ZNF81: variants seen among roughly 807,000 people sequenced by gnomAD.
The protein encoded by ZNF81 is zinc finger protein 81 (HFZ20).
ZNF81 carries 5 observed loss-of-function variants against 32.3 expected under a neutral mutation model. The observed-to-expected ratio is 0.15, with a 90% CI of 0.08 to 0.33. The LOEUF (loss-of-function observed/expected upper bound fraction) is 0.33, where lower values mean the gene tolerates loss of function less well. Ranked by LOEUF, ZNF81 falls within the 10% of genes least tolerant of loss-of-function variation. ZNF81 has a pLI of 1.00. For synonymous variants in ZNF81, 163 were observed against 166.8 expected (o/e 0.98, Z 0.17); for missense variants, 379 against 479.8 (o/e 0.79, Z 1.96).
intron 2 of ZNF81, among the ~76,000 whole-genome samples, chrX:47,863,889 A>C (rs1556882902): frequency 1.8e-5 from 2 of 112,051 alleles, no homozygotes; most frequent in Non-Finnish European, 3.8e-5. Flanking sequence ...AGTGGGTAAA[A>C]TGATCCTTAT....
chrX:47,884,608 A>G (rs1174000832), intron 2 of ZNF81, among the ~76,000 whole-genome samples: 2 of 112,077 alleles, frequency 1.8e-5, no homozygotes, highest in Admixed American at 1.9e-4. Context: ...CATCAAATAG[A>G]TAAGTAACAC....
intron 4 of ZNF81, among the ~76,000 whole-genome samples, chrX:47,909,971 G>A (rs2058734076): frequency 9.0e-6 from 1 of 111,155 alleles, no homozygotes. Context: ...GTATTCCATG[G>A]TGTATATGTG....
At chrX:47,853,339 G>A (rs1345595327) in intron 2 of ZNF81, among the ~76,000 whole-genome samples, 3 of 109,713 alleles carry the variant, frequency 2.7e-5, no homozygotes, top group African/African-American at 1.0e-4. Context: ...ACGCCACCAC[G>A]CCCAGCTAAT....
At chrX:47,893,026 G>T (rs868975917) in intron 3 of ZNF81, among the ~76,000 whole-genome samples, 26 of 112,461 alleles carry the variant, frequency 2.3e-4, no homozygotes, top group Middle Eastern at 9.3e-3. Context: ...GGAGACTCAA[G>T]AATTTAAAGG....
Position 47,916,662 on chromosome X carries a change from C to T in ZNF81, c.*30C>T. 8.5e-7 allele frequency: 1 copy of T among 1,176,995 alleles called. No homozygotes were observed. The highest frequency in any genetic ancestry group is 1.1e-6 in the Non-Finnish European group (1 of 879,817). On this transcript the variant is annotated 3_prime_UTR_variant, in exon 5 of 5. Transcript: ENST00000338637. ...AATCCTGTTTCTTGAAAATGAGAGCCTTATAAGGCTGACAAAAGTCAGGTC... is the reference window on the plus strand; with the variant it reads ...AATCCTGTTTCTTGAAAATGAGAGCTTTATAAGGCTGACAAAAGTCAGGTC...
chrX:47,857,841 C>A (rs782047600), intron 2 of ZNF81, among the ~76,000 whole-genome samples: 17 of 111,151 alleles, frequency 1.5e-4, no homozygotes, highest in Non-Finnish European at 3.2e-4. Flanking sequence ...GGGTTTTGGG[C>A]CAGGGACACA....
At chrX:47,896,250 A>C (rs2058679730) in intron 4 of ZNF81, among the ~76,000 whole-genome samples, 1 of 111,228 alleles carries the variant, frequency 9.0e-6, no homozygotes, top group South Asian at 3.8e-4. Flanking sequence ...CTTCAGTCCC[A>C]TTTTTATGTG....
At chrX:47,911,101 T>G (rs781978202) in intron 4 of ZNF81, among the ~76,000 whole-genome samples, 5 of 111,505 alleles carry the variant, frequency 4.5e-5, no homozygotes, top group Non-Finnish European at 9.4e-5. Context: ...GCCATTAGCT[T>G]CATGAAGTAG....
Position 47,916,609 on chromosome X carries a change from A to G in ZNF81, c.1963A>G (p.Met655Val), listed in dbSNP as rs781837627. The change falls in exon 5 of 5, where the codon ATG becomes GTG. Residue 655 changes from methionine to valine, a missense_variant. Met to Val is a conservative substitution (Grantham distance 21, BLOSUM62 1). This residue lies in a region of ZNF81 where 102 missense variants were observed against 173.2 expected (regional missense o/e 0.59). Transcript: ENST00000338637. ...KGFTQKSVLS[M>V]HRNIHT is the part of the protein sequence containing the mutation. Reference sequence around the variant, plus strand: ...GTTCACCCAGAAATCAGTTCTCAGTATGCATCGCAATATTCATACATGAAA... The same window carrying G: ...GTTCACCCAGAAATCAGTTCTCAGTGTGCATCGCAATATTCATACATGAAA... 5.0e-6 allele frequency: 6 copies of G among 1,201,220 alleles called. No homozygotes were observed. In the South Asian group the frequency reaches 9.2e-5, roughly 18 times the overall value.
intron 2 of ZNF81, among the ~76,000 whole-genome samples, chrX:47,885,074 T>C (rs782673391): frequency 1.2e-4 from 13 of 112,267 alleles, no homozygotes; most frequent in Non-Finnish European, 1.7e-4. Flanking sequence ...GATAATACTT[T>C]ACTTTCTTCA....
chrX:47,914,424 G>A (rs1342383550), intron 4 of ZNF81, among the ~76,000 whole-genome samples: 2 of 111,895 alleles, frequency 1.8e-5, no homozygotes, highest in African/African-American at 6.5e-5. Flanking sequence ...CATACATCAT[G>A]GCTATTGCTG....
chrX:47,870,825 A>G (rs1196029376), intron 2 of ZNF81, among the ~76,000 whole-genome samples: 1 of 112,202 alleles, frequency 8.9e-6, no homozygotes, highest in East Asian at 2.8e-4. Context: ...GAATAAATTC[A>G]TCTTTTTGGT....
In ZNF81 at chrX:47,924,922, A is replaced by T. The variant is rs2058786570; in HGVS notation, c.*8290A>T. On this transcript the variant is annotated 3_prime_UTR_variant, in exon 5 of 5. Transcript: ENST00000338637. ...GTAGAAATATTGAAAACACAGTACA[A>T]CCTATATAACATCCATCTAGATTTA... 1.8e-5 allele frequency among the ~76,000 whole-genome samples: 2 copies of T among 111,609 alleles called. No individual in the cohort carries two copies. Among genetic ancestry groups the T allele is most frequent in the African/African-American group, 6.5e-5 (2 of 30,695 alleles).
intron 1 of ZNF81, among the ~76,000 whole-genome samples, chrX:47,840,371 G>C (rs1344854604): frequency 1.8e-5 from 2 of 111,084 alleles, no homozygotes; most frequent in African/African-American, 6.5e-5. Flanking sequence ...TCCGTGGAAT[G>C]TGCTGATTTC....
In ZNF81 at chrX:47,916,063, A is replaced by C. The variant is rs2058755934; in HGVS notation, c.1417A>C (p.Ser473Arg). The change falls in exon 5 of 5, where the codon AGT becomes CGT. Residue 473 changes from serine (S) to arginine (R), a missense_variant. Physicochemically the swap from Ser to Arg is moderately radical, Grantham distance 110. Around this residue, in one of 2 missense-constraint regions of ZNF81, gnomAD observed 102 missense variants for 173.2 expected, o/e 0.59. Coordinates refer to ENST00000338637, the MANE Select transcript of ZNF81 (RefSeq NM_007137.5). ...TACTGGAGAGAAGCCTTATGAATGC[A>C]GTGACTGTGGGAAATCTTTCCCTTC... is the stretch of plus-strand genomic sequence containing the variant. ...IHTGEKPYEC[S>R]DCGKSFPSKS... is the part of the protein sequence containing the mutation. 1.7e-6 allele frequency: 2 copies of C among 1,209,637 alleles called. No individual in the cohort carries two copies. Among genetic ancestry groups the C allele is most frequent in the South Asian group, 3.5e-5 (2 of 56,797 alleles).
At chrX:47,867,325 T>C (rs1569379421) in intron 2 of ZNF81, among the ~76,000 whole-genome samples, 1 of 111,930 alleles carries the variant, frequency 8.9e-6, no homozygotes, top group Non-Finnish European at 1.9e-5. Flanking sequence ...CATACACATA[T>C]CAAAAGAGCA....
At chrX:47,847,513 T>C (rs1556880662) in intron 2 of ZNF81, among the ~76,000 whole-genome samples, 1 of 112,219 alleles carries the variant, frequency 8.9e-6, no homozygotes, top group African/African-American at 3.2e-5. Flanking sequence ...TGTCTTCTCT[T>C]TGAAGAAATC....
Position 47,916,616 on chromosome X carries a change from G to A in ZNF81, c.1970G>A (p.Arg657His), listed in dbSNP as rs782574325. Residue 657 changes from arginine (R) to histidine (H), a missense_variant, in exon 5 of 5, where the codon CGC becomes CAC. Arg to His is a conservative substitution (Grantham distance 29). Around this residue, in one of 2 missense-constraint regions of ZNF81, gnomAD observed 102 missense variants for 173.2 expected, o/e 0.59. Transcript: ENST00000338637. ...FTQKSVLSMHRNIHT is the reference protein window; with the variant it reads ...FTQKSVLSMHHNIHT ...CAGAAATCAGTTCTCAGTATGCATCGCAATATTCATACATGAAAGTAATCC... is the reference window on the plus strand; with the variant it reads ...CAGAAATCAGTTCTCAGTATGCATCACAATATTCATACATGAAAGTAATCC... 9.2e-6 allele frequency: 11 copies of A among 1,200,956 alleles called. No individual in the cohort carries two copies. In the South Asian group the frequency reaches 1.3e-4, roughly 14 times the overall value.
Position 47,923,402 on chromosome X carries a change from C to T in ZNF81, c.*6770C>T, listed in dbSNP as rs1181608465. Reference sequence around the variant, plus strand: ...GTGCTTTGGGTCGAGAAGGATATGCCTATAGAAGATAATGAGAAGGAGCAG... The same window carrying T: ...GTGCTTTGGGTCGAGAAGGATATGCTTATAGAAGATAATGAGAAGGAGCAG... On this transcript the variant is annotated 3_prime_UTR_variant, in exon 5 of 5. Coordinates refer to ENST00000338637, the MANE Select transcript of ZNF81 (RefSeq NM_007137.5). Among the ~76,000 whole-genome samples the T allele has an allele frequency of 9.0e-6, 1 of 111,186 alleles. No individual in the cohort carries two copies. The highest frequency in any genetic ancestry group is 9.5e-5 in the Admixed American group (1 of 10,485).
Sources: allele counts gnomAD v4.1 joint callset (sites outside exome capture counted in the v4.1 genomes callset), GRCh38; gene constraint gnomAD v4.1.1; regional missense constraint gnomAD v4.1.1; transcripts MANE v1.5; gene names NCBI Gene and HGNC (gene_info 2026-07-23, HGNC 2026-07-21).